Variants in AFG1L observed in about 807,000 individuals in gnomAD.
AFG1L encodes the protein AFG1 like ATPase, also known as AFG1-like ATPase.
A neutral mutation model predicts 62.2 loss-of-function variants in AFG1L; 53 were observed. The ratio of observed to expected loss-of-function variants is 0.85; its 90% CI spans 0.68 to 1.07. AFG1L has a LOEUF of 1.07. Among genes scored for constraint, AFG1L ranks in the 50% least tolerant of loss-of-function variants. The pLI is 0.00. For synonymous variants in AFG1L, 228 were observed against 210.3 expected (o/e 1.08, Z -0.73); for missense variants, 555 against 590.5 (o/e 0.94, Z 0.62).
chr6:108,493,029 A>G (rs189260896), intron 10 of AFG1L, among the ~76,000 whole-genome samples: 122 of 152,314 alleles, frequency 8.0e-4, no homozygotes, highest in African/African-American at 2.8e-3. Flanking sequence ...GGATCTGGAA[A>G]GTATGGGTTC....
intron 10 of AFG1L, among the ~76,000 whole-genome samples, chr6:108,490,118 T>C (rs1269099705): frequency 6.6e-6 from 1 of 152,210 alleles, no homozygotes; most frequent in African/African-American, 2.4e-5. Flanking sequence ...CCCAGCACTT[T>C]GGGAGGCTGA....
intron 7 of AFG1L, among the ~76,000 whole-genome samples, chr6:108,434,743 G>A (rs895541252): frequency 6.6e-6 from 1 of 152,130 alleles, no homozygotes; most frequent in Non-Finnish European, 1.5e-5. Flanking sequence ...GCTCTTGCCA[G>A]CTTCTATAGC....
intron 7 of AFG1L, among the ~76,000 whole-genome samples, chr6:108,436,034 C>A (rs1771292272): frequency 6.6e-6 from 1 of 152,180 alleles, no homozygotes; most frequent in African/African-American, 2.4e-5. Flanking sequence ...AAACCCAAAT[C>A]TGTCTCTACA....
At position 108,441,666 on chromosome 6, in the gene AFG1L, G is replaced by A. The variant is rs555611521; in HGVS notation, c.808-5548G>A. ...TGCAAAGAGCTTTGAAGAATCTAGC[G>A]TAAGTGAATGAAATCTGAAAATCTG... On this transcript the variant is annotated intron_variant, in intron 7 of 12. Coordinates refer to ENST00000368977, the MANE Select transcript of AFG1L (RefSeq NM_145315.5). 4.7e-5 allele frequency among the ~76,000 whole-genome samples: 7 copies of A among 148,306 alleles called. No homozygotes were observed. The South Asian group carries it at 1.3e-3, about 27-fold the overall frequency.
At chr6:108,331,166 G>A (rs1309784113) in intron 2 of AFG1L, among the ~76,000 whole-genome samples, 1 of 151,958 alleles carries the variant, frequency 6.6e-6, no homozygotes, top group African/African-American at 2.4e-5. Flanking sequence ...ACATGCCTGT[G>A]GTCCACCTAA....
chr6:108,295,123 C>A lies in AFG1L; in HGVS notation c.44C>A (p.Ala15Glu). 6.2e-7 allele frequency: 1 copy of A among 1,611,492 alleles called. No homozygotes were observed. Among genetic ancestry groups the A allele is most frequent in the African/African-American group, 1.3e-5 (1 of 75,078 alleles). ...WSLLVTLRPL[A>E]QSPLRGRCVG... ...CTCTTGGTTACCCTGCGCCCCTTAG[C>A]ACAGAGCCCGCTGAGAGGGAGATGT... Residue 15 changes from alanine (A) to glutamate (E), a missense_variant, in exon 1 of 13, where the codon GCA becomes GAA. Physicochemically the swap from Ala to Glu is moderately radical, Grantham distance 107. Transcript: ENST00000368977.
intron 5 of AFG1L, among the ~76,000 whole-genome samples, chr6:108,362,008 ATAAG>A (rs1016868574): frequency 4.2e-4 from 64 of 152,334 alleles, no homozygotes; most frequent in African/African-American, 1.5e-3. Context: ...GAATGAATGA[ATAAG>A]TAGTGAATAA....
intron 1 of AFG1L, 88 bp downstream of exon 1, chr6:108,295,306 G>A: frequency 6.9e-7 from 1 of 1,444,114 alleles, no homozygotes. Flanking sequence ...ATCTACCCCA[G>A]GTGTCTCCTG....
intron 6 of AFG1L, among the ~76,000 whole-genome samples, chr6:108,396,735 C>T (rs573161322): frequency 1.3e-5 from 2 of 152,256 alleles, no homozygotes; most frequent in Admixed American, 1.3e-4. Flanking sequence ...AAATGATCCA[C>T]CTGCCTCAGC....
chr6:108,459,268 C>A (rs923755283), intron 8 of AFG1L, among the ~76,000 whole-genome samples: 1 of 152,192 alleles, frequency 6.6e-6, no homozygotes, highest in Non-Finnish European at 1.5e-5. Context: ...CAAATTCTAG[C>A]TGTGCTAGCC....
chr6:108,437,773 G>A (rs1248993231), intron 7 of AFG1L, among the ~76,000 whole-genome samples: 1 of 152,114 alleles, frequency 6.6e-6, no homozygotes, highest in Admixed American at 6.6e-5. Context: ...AGATGGGAGG[G>A]AGAGGTGGAG....
intron 1 of AFG1L, among the ~76,000 whole-genome samples, chr6:108,308,469 T>G (rs999094731): frequency 7.2e-5 from 11 of 152,192 alleles, no homozygotes; most frequent in African/African-American, 2.4e-4. Flanking sequence ...TCATTGCTAA[T>G]GGAGTCTTTT....
chr6:108,430,369 A>G (rs1029176643), intron 7 of AFG1L, among the ~76,000 whole-genome samples: 3 of 152,220 alleles, frequency 2.0e-5, no homozygotes, highest in African/African-American at 7.2e-5. Context: ...GGTGTTGCTT[A>G]TACTTATTGA....
chr6:108,449,217 A>G (rs1156231803), intron 8 of AFG1L, among the ~76,000 whole-genome samples: 4 of 151,780 alleles, frequency 2.6e-5, no homozygotes, highest in Non-Finnish European at 5.9e-5. Flanking sequence ...ACACATATAT[A>G]TACACAGACA....
intron 5 of AFG1L, among the ~76,000 whole-genome samples, chr6:108,357,058 TACAC>T (rs1012354357): frequency 6.1e-4 from 92 of 151,888 alleles, no homozygotes; most frequent in African/African-American, 2.1e-3. Flanking sequence ...TATACACACA[TACAC>T]ACACACATGC....
At chr6:108,305,842 G>A (rs913470187) in intron 1 of AFG1L, among the ~76,000 whole-genome samples, 1 of 152,166 alleles carries the variant, frequency 6.6e-6, no homozygotes, top group Non-Finnish European at 1.5e-5. Context: ...GGTTTCAAAA[G>A]GAACTGGAGT....
intron 1 of AFG1L, among the ~76,000 whole-genome samples, chr6:108,306,776 T>A (rs1425107264): frequency 6.6e-6 from 1 of 152,226 alleles, no homozygotes; most frequent in African/African-American, 2.4e-5. Context: ...GATTACTGTC[T>A]ACTTTCTGAA....
intron 6 of AFG1L, chr6:108,373,060 CA>C (rs1464881641): frequency 1.3e-5 from 2 of 151,912 alleles, no homozygotes; most frequent in Admixed American, 6.6e-5. Context: ...GTCTTAGATT[CA>C]GGGGGTACAC....
intron 7 of AFG1L, among the ~76,000 whole-genome samples, chr6:108,402,490 A>AT (rs1491371841): frequency 7.1e-6 from 1 of 140,396 alleles, no homozygotes; most frequent in Non-Finnish European, 1.5e-5. Flanking sequence ...AAAAAAAAAA[A>AT]GGAGACTTGC....
Sources: allele counts gnomAD v4.1 joint callset (sites outside exome capture counted in the v4.1 genomes callset), GRCh38; gene constraint gnomAD v4.1.1; transcripts MANE v1.5; gene names NCBI Gene and HGNC (gene_info 2026-07-23, HGNC 2026-07-21).